Variants in ROBO1 observed in about 807,000 individuals in gnomAD.
The protein encoded by ROBO1 is roundabout homolog 1.
Under a neutral mutation model 195.9 loss-of-function variants are expected in ROBO1, and 149 were observed. The ratio of observed to expected loss-of-function variants is 0.76; its 90% CI spans 0.67 to 0.87. The LOEUF is 0.87. Among genes scored for constraint, ROBO1 ranks in the 40% least tolerant of loss-of-function variants. The pLI is 0.00. For missense variants in ROBO1, 1,933 were observed against 2,068.3 expected (o/e 0.93, Z 1.27); for synonymous variants, 816 against 733.2 (o/e 1.11, Z -1.82).
At chr3:79,122,214 C>T (rs2080131050) in intron 3 of ROBO1, among the ~76,000 whole-genome samples, 1 of 151,944 alleles carries the variant, frequency 6.6e-6, no homozygotes, top group Admixed American at 6.6e-5. Context: ...AGGCTATATG[C>T]CGCGAACTGT....
At chr3:79,087,594 G>A (rs1215490665) in intron 3 of ROBO1, among the ~76,000 whole-genome samples, 3 of 143,212 alleles carry the variant, frequency 2.1e-5, no homozygotes, top group African/African-American at 5.2e-5. Flanking sequence ...TTTCTTCCCC[G>A]CTTTCTCTCT....
chr3:79,418,652 G>A (rs2038102454), intron 2 of ROBO1, among the ~76,000 whole-genome samples: 1 of 152,078 alleles, frequency 6.6e-6, no homozygotes, highest in Non-Finnish European at 1.5e-5. Context: ...GCTACTAGCA[G>A]GCACAAAATC....
intron 2 of ROBO1, among the ~76,000 whole-genome samples, chr3:79,289,018 G>A (rs1235281339): frequency 6.6e-6 from 1 of 151,466 alleles, no homozygotes; most frequent in Non-Finnish European, 1.5e-5. Context: ...TGAAATGCAA[G>A]AGACTACGAA....
chr3:79,142,953 A>C (rs1201171725), intron 2 of ROBO1, among the ~76,000 whole-genome samples: 1 of 152,166 alleles, frequency 6.6e-6, no homozygotes, highest in African/African-American at 2.4e-5. Flanking sequence ...AAGTCTCTGT[A>C]ATCTGTAATC....
chr3:79,240,285 G>A (rs1175099384), intron 2 of ROBO1, among the ~76,000 whole-genome samples: 3 of 152,042 alleles, frequency 2.0e-5, no homozygotes, highest in East Asian at 3.9e-4. Flanking sequence ...GTTCACCTAC[G>A]TTGTTGCAAA....
intron 3 of ROBO1, among the ~76,000 whole-genome samples, chr3:79,040,128 TAGAA>T (rs2078457956): frequency 6.6e-6 from 1 of 152,124 alleles, no homozygotes. Flanking sequence ...GACTTCCATT[TAGAA>T]AGAGACTTCA....
At chr3:79,686,688 C>A (rs894351408) in intron 1 of ROBO1, among the ~76,000 whole-genome samples, 1 of 152,108 alleles carries the variant, frequency 6.6e-6, no homozygotes, top group South Asian at 2.1e-4. Flanking sequence ...TCAAGGAGAA[C>A]TACAAACCAC....
chr3:79,253,858 A>AT (rs1346539918), intron 2 of ROBO1, among the ~76,000 whole-genome samples: 2 of 152,162 alleles, frequency 1.3e-5, no homozygotes, highest in Non-Finnish European at 2.9e-5. Flanking sequence ...AAACATATGG[A>AT]TTTTTTCAAG....
chr3:79,106,607 G>A (rs1009506461), intron 3 of ROBO1, among the ~76,000 whole-genome samples: 1 of 151,430 alleles, frequency 6.6e-6, no homozygotes, highest in African/African-American at 2.4e-5. Context: ...AACACCTAAA[G>A]TTTCAAGTAA....
At chr3:78,709,288 G>C (rs543855042) in intron 8 of ROBO1, among the ~76,000 whole-genome samples, 3 of 152,172 alleles carry the variant, frequency 2.0e-5, no homozygotes, top group East Asian at 3.9e-4. Flanking sequence ...TCCTTTGATA[G>C]GTCATTACTG....
intron 4 of ROBO1, among the ~76,000 whole-genome samples, chr3:78,750,482 TAAATA>T (rs1559814859): frequency 2.7e-5 from 4 of 147,518 alleles, no homozygotes; most frequent in African/African-American, 1.0e-4. Flanking sequence ...AATAAATAAA[TAAATA>T]AATAAATAAA....
At chr3:78,919,831 T>C (rs1015122163) in intron 4 of ROBO1, among the ~76,000 whole-genome samples, 2 of 152,232 alleles carry the variant, frequency 1.3e-5, no homozygotes, top group African/African-American at 2.4e-5. Context: ...TCAAATTTTA[T>C]TGGAGGAATC....
intron 1 of ROBO1, among the ~76,000 whole-genome samples, chr3:79,637,098 G>A (rs1945517606): frequency 6.6e-6 from 1 of 152,150 alleles, no homozygotes; most frequent in Non-Finnish European, 1.5e-5. Context: ...AACCACATGT[G>A]TCCAGACGCT....
In ROBO1 at chr3:79,605,259, C is replaced by A. The variant is rs547291672; in HGVS notation, c.-50-15298G>T. Among the ~76,000 whole-genome samples, 5 of 109,146 alleles carry A rather than the reference C, an allele frequency of 4.6e-5. No individual in the cohort carries two copies. In the East Asian group the frequency reaches 9.8e-4, roughly 21 times the overall value. 71.6% of individuals were successfully genotyped at this position (109,146 alleles called of 152,430 possible). ...GTTTCCGTATTACTTTTTTTTTTAA[C>A]TCTTCTTTTTCTCTGCCTTGCTTCT... On this transcript the variant is annotated intron_variant, in intron 1 of 30. Coordinates refer to ENST00000464233, the MANE Select transcript of ROBO1 (RefSeq NM_002941.4).
At chr3:78,652,488 C>A (rs569924217) in intron 18 of ROBO1, among the ~76,000 whole-genome samples, 1 of 152,014 alleles carries the variant, frequency 6.6e-6, no homozygotes, top group African/African-American at 2.4e-5. Flanking sequence ...TACCCCGACA[C>A]TAACATTATA....
At chr3:78,651,600 G>A (rs541454591) in intron 19 of ROBO1, 132 bp downstream of exon 19, 22 of 612,268 alleles carry the variant, frequency 3.6e-5, no homozygotes, top group Middle Eastern at 4.5e-4. Context: ...CACAATAAAC[G>A]CACTTTTGAA....
intron 2 of ROBO1, among the ~76,000 whole-genome samples, chr3:79,214,697 C>T (rs1262659305): frequency 3.3e-5 from 5 of 149,432 alleles, no homozygotes; most frequent in Non-Finnish European, 5.9e-5. Flanking sequence ...TTCTGATTAC[C>T]GTTTCTGTTA....
intron 5 of ROBO1, among the ~76,000 whole-genome samples, chr3:78,725,849 G>C (rs2082148929): frequency 6.6e-6 from 1 of 151,984 alleles, no homozygotes; most frequent in Non-Finnish European, 1.5e-5. Flanking sequence ...CAGAAATAAA[G>C]ATGAACTTAA....
chr3:79,285,891 T>C (rs2031855987), intron 2 of ROBO1, among the ~76,000 whole-genome samples: 1 of 151,620 alleles, frequency 6.6e-6, no homozygotes, highest in African/African-American at 2.4e-5. Context: ...CTGCATGAAA[T>C]AAGAAGCAAT....
Sources: allele counts gnomAD v4.1 joint callset (sites outside exome capture counted in the v4.1 genomes callset), GRCh38; gene constraint gnomAD v4.1.1; transcripts MANE v1.5; gene names NCBI Gene and HGNC (gene_info 2026-07-23, HGNC 2026-07-21).